Variants in HSPA14 observed in about 807,000 individuals in gnomAD.
HSPA14 encodes heat shock 70 kDa protein 14.
A neutral mutation model predicts 65.5 loss-of-function variants in HSPA14; 37 were observed. The observed-to-expected ratio is 0.56, with a 90% CI of 0.43 to 0.74. The LOEUF is 0.74. Among genes scored for constraint, HSPA14 ranks in the 30% least tolerant of loss-of-function variants. HSPA14 has a pLI of 0.00. For missense variants in HSPA14, 564 were observed against 607.6 expected, an observed-to-expected ratio of 0.93 and a Z score of 0.75; for synonymous variants, 203 against 214.2, an observed-to-expected ratio of 0.95 and a Z score of 0.46.
Position 14,840,061 on chromosome 10 carries a change from A to T in HSPA14, c.139-14A>T, listed in dbSNP as rs200920531. On this transcript the variant is annotated splice_polypyrimidine_tract_variant and intron_variant, in intron 2 of 13. Transcript: ENST00000378372. ...ATTGTAATATATATATATATATATT[A>T]TTTTTTTTTTCAGATTGTTGGATTG... 8.4e-5 allele frequency: 97 copies of T among 1,160,326 alleles called. No homozygotes were observed. Among genetic ancestry groups the T allele is most frequent in the Admixed American group, 2.7e-4 (10 of 36,916 alleles). 71.9% of individuals were successfully genotyped at this position (1,160,326 alleles called of 1,614,324 possible). A position where few individuals can be genotyped will look rare whatever the true frequency, so the allele number is the denominator to read the frequency against.
intron 3 of HSPA14, chr10:14,844,346 A>G (rs1452172140): frequency 9.7e-7 from 1 of 1,033,100 alleles, no homozygotes; most frequent in African/African-American, 1.7e-5. Context: ...TGGCTGAGGT[A>G]AGGCAGATTG....
Position 14,842,796 on chromosome 10 carries a change from T to C in HSPA14, c.221+2639T>C. 6.5e-7 allele frequency: 1 copy of C among 1,536,312 alleles called. No homozygotes were observed. Among genetic ancestry groups the C allele is most frequent in the South Asian group, 1.2e-5 (1 of 84,064 alleles). On this transcript the variant is annotated intron_variant, in intron 3 of 13. Coordinates refer to ENST00000378372, the MANE Select transcript of HSPA14 (RefSeq NM_016299.4). The surrounding 1 kb of genome is among the most constrained non-coding windows in gnomAD (Gnocchi z 5.2). ...TGTCAGCTAAGAATCAGTGACCGGA[T>C]ACGAGAAACCAGTGACCTTGAGGAC...
rs1261577294 is a variant in HSPA14, at chr10:14,848,814, C to A, written c.295C>A (p.Arg99=). 1 of 1,572,768 alleles carries A rather than the reference C, an allele frequency of 6.4e-7. No homozygotes were observed. Among genetic ancestry groups the A allele is most frequent in the Admixed American group, 1.7e-5 (1 of 57,590 alleles). Residue 99 remains arginine, a synonymous_variant, in exon 5 of 14, where the codon CGA becomes AGA. Coordinates refer to ENST00000378372, the MANE Select transcript of HSPA14 (RefSeq NM_016299.4). ...CLVIEKNGKL[R]YEIDTGEETK... The stretch of plus-strand genomic sequence containing the variant: ...GGTCATTGAAAAAAATGGGAAATTA[C>A]GATATGAAATAGATACTGGAGAAGA...
intron 6 of HSPA14, 56 bp downstream of exon 6, chr10:14,849,867 T>C (rs558031564): frequency 2.9e-6 from 3 of 1,040,028 alleles, no homozygotes; most frequent in South Asian, 2.7e-5. Flanking sequence ...AAAGTCACTA[T>C]ATAGTAAAAG....
intron 13 of HSPA14, among the ~76,000 whole-genome samples, chr10:14,871,093 A>G (rs1249976877): frequency 6.6e-6 from 1 of 152,234 alleles, no homozygotes; most frequent in African/African-American, 2.4e-5. Context: ...CAAGCTATCC[A>G]TATCACTATG....
Position 14,867,907 on chromosome 10 carries a change from C to G in HSPA14, c.1378C>G (p.Gln460Glu). 1 of 1,610,750 alleles carries G rather than the reference C, an allele frequency of 6.2e-7. No individual in the cohort carries two copies. Among genetic ancestry groups the G allele is most frequent in the Non-Finnish European group, 8.5e-7 (1 of 1,178,766 alleles). Residue 460 changes from glutamine (Q) to glutamate (E), a missense_variant and splice_region_variant, in exon 12 of 14, where the codon CAG (glutamine) becomes GAG (glutamate). By Grantham distance (29) the Gln-to-Glu change is conservative (BLOSUM62 2). Transcript: ENST00000378372. ...TGCCAAAGAGGAAACCAAGTTTGCA[C>G]AGGTGAATACATAAAGTTAGACACA... ...NSAKEETKFA[Q>E]VVLQDLDKKE...
At chr10:14,846,361 A>C in intron 3 of HSPA14, 1 of 985,424 alleles carries the variant, frequency 1.0e-6, no homozygotes, top group Non-Finnish European at 1.2e-6. Flanking sequence ...GGAGTGCTGA[A>C]GAAGAGCATT....
At chr10:14,868,554 A>G (rs1401331911) in intron 12 of HSPA14, among the ~76,000 whole-genome samples, 1 of 152,170 alleles carries the variant, frequency 6.6e-6, no homozygotes, top group South Asian at 2.1e-4. Context: ...TTGTATTACA[A>G]TGCCATTTGT....
At chr10:14,846,113 C>A in intron 3 of HSPA14, 4 of 982,238 alleles carry the variant, frequency 4.1e-6, no homozygotes, top group Non-Finnish European at 4.8e-6. Context: ...CCACACCAGA[C>A]ATATAGACTC....
chr10:14,869,723 T>C (rs1031155269), intron 12 of HSPA14, among the ~76,000 whole-genome samples: 1 of 152,114 alleles, frequency 6.6e-6, no homozygotes, highest in Non-Finnish European at 1.5e-5. Context: ...TCCACATGAA[T>C]TGGTTTGTGT....
At chr10:14,849,884 T>C (rs1173458910) in intron 6 of HSPA14, 73 bp downstream of exon 6, 12 of 914,242 alleles carry the variant, frequency 1.3e-5, no homozygotes, top group Non-Finnish European at 1.7e-5. Context: ...AAAGGTAACA[T>C]TGTATTTTAA....
intron 3 of HSPA14, chr10:14,844,511 G>T: frequency 1.0e-6 from 1 of 987,524 alleles, no homozygotes; most frequent in East Asian, 1.1e-4. Context: ...ACCTGTATTT[G>T]TACCTTAATC....
chr10:14,848,516 C>T (rs1372722067), intron 3 of HSPA14, 93 bp from the exon 4 acceptor site: 1 of 805,842 alleles, frequency 1.2e-6, no homozygotes, highest in African/African-American at 1.7e-5. Flanking sequence ...AGTATTTGTT[C>T]AGTGATATTG....
At chr10:14,857,040 T>G (rs1486068107) in intron 10 of HSPA14, among the ~76,000 whole-genome samples, 1 of 152,202 alleles carries the variant, frequency 6.6e-6, no homozygotes, top group Non-Finnish European at 1.5e-5. Context: ...CAGTTCTAAT[T>G]CTGTATGTAC....
Position 14,854,237 on chromosome 10 carries a change from G to C in HSPA14, c.847G>C (p.Asp283His). 1 of 1,613,378 alleles carries C rather than the reference G, an allele frequency of 6.2e-7. No individual in the cohort carries two copies. Among genetic ancestry groups the C allele is most frequent in the East Asian group, 2.2e-5 (1 of 44,816 alleles). The change falls in exon 9 of 14, where the codon GAC (aspartate) becomes CAC (histidine). Residue 283 changes from aspartate (D) to histidine (H), a missense_variant. By Grantham distance (81) the Asp-to-His change is moderately conservative. Transcript: ENST00000378372. ...CTTGGGAAGTGCCAACTGTTTTCTT[G>C]ACTCATTATATGAAGGTCAAGATTT... ...STLGSANCFL[D>H]SLYEGQDFDC...
rs1446718523 is a variant in HSPA14 at position 14,842,624 on chromosome 10, G to T, written c.221+2467G>T. ...GACTGACCCAGACAACTTAATGGAG[G>T]ATGCTGCTTGGGCCAAGCACTGTGA... On this transcript the variant is annotated intron_variant, in intron 3 of 13. Coordinates refer to ENST00000378372, the MANE Select transcript of HSPA14 (RefSeq NM_016299.4). This position sits in a 1 kb window ranked among gnomAD's most constrained non-coding sequence, Gnocchi z 5.2. 6.5e-7 allele frequency: 1 copy of T among 1,536,190 alleles called. No individual in the cohort carries two copies. The highest frequency in any genetic ancestry group is 8.7e-7 in the Non-Finnish European group (1 of 1,146,932).
rs1038883595 is a variant in HSPA14, at chr10:14,851,115, T to C, written c.468-104T>C. On this transcript the variant is annotated intron_variant, in intron 6 of 13. Transcript: ENST00000378372. ...ATCATTATACTTCATGTTCTACTTA[T>C]GAAATTTTAGTAGCTTTTGTATAAA... 12 of 691,432 alleles carry C rather than the reference T, an allele frequency of 1.7e-5. 1 individual carries two copies. Among genetic ancestry groups the C allele is most frequent in the East Asian group, 5.0e-5 (2 of 39,650 alleles). The allele number at this position is 691,432 out of a possible 1,614,324, so 42.8% of individuals were successfully genotyped here. A position where few individuals can be genotyped will look rare whatever the true frequency, so the allele number is the denominator to read the frequency against.
intron 8 of HSPA14, among the ~76,000 whole-genome samples, chr10:14,853,882 G>C (rs1054090756): frequency 6.6e-5 from 10 of 152,030 alleles, no homozygotes; most frequent in Non-Finnish European, 5.9e-5. Flanking sequence ...ACCACACCCA[G>C]CTAATTTTGT....
chr10:14,842,628 C>A lies in HSPA14; in HGVS notation c.221+2471C>A. The stretch of plus-strand genomic sequence containing the variant: ...GACCCAGACAACTTAATGGAGGATG[C>A]TGCTTGGGCCAAGCACTGTGATCAG... On this transcript the variant is annotated intron_variant, in intron 3 of 13. Transcript: ENST00000378372. This position sits in a 1 kb window ranked among gnomAD's most constrained non-coding sequence, Gnocchi z 5.2. The A allele has an allele frequency of 3.3e-6, 5 of 1,536,196 alleles. No homozygotes were observed.
Sources: allele counts gnomAD v4.1 joint callset (sites outside exome capture counted in the v4.1 genomes callset), GRCh38; gene constraint gnomAD v4.1.1; non-coding constraint Gnocchi (gnomAD v3.1); transcripts MANE v1.5; gene names NCBI Gene and HGNC (gene_info 2026-07-23, HGNC 2026-07-21).